Variants in TMOD1 observed in about 807,000 individuals in gnomAD.
TMOD1 encodes tropomodulin 1, also known as tropomodulin-1.
TMOD1 carries 17 observed loss-of-function variants against 40.6 expected under a neutral mutation model. The observed-to-expected ratio is 0.42, with a 90% CI of 0.29 to 0.63. The LOEUF is 0.63. Among genes scored for constraint, TMOD1 ranks in the 20% least tolerant of loss-of-function variants. The pLI is 0.22. For synonymous variants in TMOD1, 181 were observed against 175.0 expected (o/e 1.03, Z -0.27); for missense variants, 391 against 447.6 (o/e 0.87, Z 1.14).
At position 97,601,371 on chromosome 9, in the gene TMOD1, G is replaced by A. The variant is rs1425538454; in HGVS notation, c.*1673G>A. On this transcript the variant is annotated 3_prime_UTR_variant, in exon 10 of 10. Coordinates refer to ENST00000259365, the MANE Select transcript of TMOD1 (RefSeq NM_003275.4). ...GATGACCTCAGTAAGAATGTGTCAT[G>A]TATTCCAGGTGCTGATCTAAAAACT... is the stretch of plus-strand genomic sequence containing the variant. 5 of 1,087,168 alleles carry A rather than the reference G, an allele frequency of 4.6e-6. No homozygotes were observed. The Admixed American group carries it at 2.6e-4, about 56-fold the overall frequency. 67.3% of individuals were successfully genotyped at this position (1,087,168 alleles called of 1,614,324 possible). A position where few individuals can be genotyped will look rare whatever the true frequency, so the allele number is the denominator to read the frequency against.
chr9:97,561,006 G>C (rs981487768), intron 4 of TMOD1, among the ~76,000 whole-genome samples: 3 of 152,210 alleles, frequency 2.0e-5, no homozygotes, highest in Non-Finnish European at 2.9e-5. Context: ...CTGTTGGGAG[G>C]GGGAGTGCAA....
chr9:97,553,911 G>C (rs1169870589), intron 4 of TMOD1, among the ~76,000 whole-genome samples: 1 of 152,116 alleles, frequency 6.6e-6, no homozygotes, highest in African/African-American at 2.4e-5. Flanking sequence ...GTTTCCATAT[G>C]ATCTTCAAAA....
chr9:97,545,440 T>A (rs932551563), intron 2 of TMOD1, among the ~76,000 whole-genome samples: 1 of 152,234 alleles, frequency 6.6e-6, no homozygotes, highest in African/African-American at 2.4e-5. Context: ...GAAGCCTGCT[T>A]ATGTTTGAAG....
intron 4 of TMOD1, among the ~76,000 whole-genome samples, chr9:97,560,090 T>C (rs1830614340): frequency 6.6e-6 from 1 of 151,892 alleles, no homozygotes; most frequent in Non-Finnish European, 1.5e-5. Context: ...AGGGCTCCCA[T>C]ATTGTCTCTC....
At chr9:97,590,937 C>T (rs545422297) in intron 8 of TMOD1, among the ~76,000 whole-genome samples, 1 of 152,236 alleles carries the variant, frequency 6.6e-6, no homozygotes, top group East Asian at 1.9e-4. Flanking sequence ...GGGGTATAGC[C>T]CGGACAGCAG....
intron 3 of TMOD1, among the ~76,000 whole-genome samples, chr9:97,547,810 C>T (rs1011369258): frequency 3.7e-4 from 57 of 152,162 alleles, no homozygotes; most frequent in Non-Finnish European, 8.8e-5. Flanking sequence ...ATCTGTCTCT[C>T]TCACTAGCCT....
intron 2 of TMOD1, among the ~76,000 whole-genome samples, chr9:97,543,428 A>T (rs935013721): frequency 2.0e-5 from 3 of 152,258 alleles, no homozygotes; most frequent in Non-Finnish European, 4.4e-5. Flanking sequence ...AGAAGGGATC[A>T]TAAGTAATAA....
At chr9:97,541,672 C>T (rs915512236) in intron 2 of TMOD1, among the ~76,000 whole-genome samples, 3 of 150,326 alleles carry the variant, frequency 2.0e-5, no homozygotes, top group South Asian at 2.1e-4. Flanking sequence ...TGCACCACCA[C>T]GCCCGGCTAA....
At chr9:97,592,906 G>A (rs569915514) in intron 9 of TMOD1, among the ~76,000 whole-genome samples, 2 of 152,256 alleles carry the variant, frequency 1.3e-5, no homozygotes, top group South Asian at 4.1e-4. Flanking sequence ...TTTAAAATGT[G>A]TGCAGAGTCT....
intron 1 of TMOD1, among the ~76,000 whole-genome samples, chr9:97,519,544 C>G (rs1001185347): frequency 2.6e-5 from 4 of 152,234 alleles, no homozygotes; most frequent in African/African-American, 7.2e-5. Context: ...TTCATCACCC[C>G]CTTCCTGCCC....
intron 2 of TMOD1, among the ~76,000 whole-genome samples, chr9:97,544,163 C>A (rs979240745): frequency 6.6e-5 from 10 of 152,152 alleles, no homozygotes; most frequent in Non-Finnish European, 1.2e-4. Context: ...CAGGATCACA[C>A]CCCGGTCTCC....
chr9:97,527,168 C>T (rs1311887369), intron 2 of TMOD1, among the ~76,000 whole-genome samples: 2 of 152,210 alleles, frequency 1.3e-5, no homozygotes, highest in Non-Finnish European at 2.9e-5. Context: ...AGAAAAAAAT[C>T]AAGCTGCAAA....
At chr9:97,548,370 G>C (rs981182158) in intron 3 of TMOD1, among the ~76,000 whole-genome samples, 1 of 152,160 alleles carries the variant, frequency 6.6e-6, no homozygotes, top group African/African-American at 2.4e-5. Context: ...CTGAAAACTG[G>C]AAGTCCAGGG....
rs188835177 is a variant in TMOD1 at position 97,557,522 on chromosome 9, C to T, written c.397+4122C>T. Among the ~76,000 whole-genome samples, 70 of 152,328 alleles carry T rather than the reference C, an allele frequency of 4.6e-4. No individual in the cohort carries two copies. Among genetic ancestry groups the T allele is most frequent in the African/African-American group, 1.6e-3 (66 of 41,578 alleles). On this transcript the variant is annotated intron_variant, in intron 4 of 9. Coordinates refer to ENST00000259365, the MANE Select transcript of TMOD1 (RefSeq NM_003275.4). The surrounding 1 kb of genome is among the most constrained non-coding windows in gnomAD (Gnocchi z 4.4). Reference sequence around the variant, plus strand: ...AGAGACAGGCTTAGCCAGGCCACCCCCTGGCTTCTGGCTACTTCCGTGTGC... The same window carrying T: ...AGAGACAGGCTTAGCCAGGCCACCCTCTGGCTTCTGGCTACTTCCGTGTGC...
chr9:97,550,436 G>T (rs79513633), intron 3 of TMOD1, among the ~76,000 whole-genome samples: 3,768 of 152,226 alleles, frequency 0.025, 164 homozygotes, highest in African/African-American at 0.086. Flanking sequence ...TTAATTTTTT[G>T]AGTAACTGCT....
Position 97,596,487 on chromosome 9 carries a change from C to T in TMOD1, c.1016-3147C>T, listed in dbSNP as rs982334835. ...TCACTAGCTCATGTAGTCCTCCCCA[C>T]AACCAGGTGAGACAGGTGCTATTGT... On this transcript the variant is annotated intron_variant, in intron 9 of 9. Coordinates refer to ENST00000259365, the MANE Select transcript of TMOD1 (RefSeq NM_003275.4). 3.9e-5 allele frequency among the ~76,000 whole-genome samples: 6 copies of T among 152,334 alleles called. No individual in the cohort carries two copies. In the East Asian group the frequency reaches 1.2e-3, roughly 29 times the overall value.
intron 8 of TMOD1, among the ~76,000 whole-genome samples, chr9:97,569,795 AAAGAT>A (rs143252221): frequency 0.069 from 10,504 of 152,242 alleles, 385 homozygotes; most frequent in Non-Finnish European, 0.083. Flanking sequence ...CAGACAGGCC[AAAGAT>A]AAGCCCCTTT....
chr9:97,517,337 A>G (rs1336036686), intron 1 of TMOD1, among the ~76,000 whole-genome samples: 4 of 150,640 alleles, frequency 2.7e-5, no homozygotes, highest in Non-Finnish European at 5.9e-5. Context: ...GTGATGGGGG[A>G]AAAAAAAAAA....
intron 2 of TMOD1, among the ~76,000 whole-genome samples, chr9:97,529,460 C>T (rs1830067163): frequency 6.6e-6 from 1 of 151,786 alleles, no homozygotes; most frequent in South Asian, 2.1e-4. Context: ...GCCCCAGTGT[C>T]ATGTGGCAGA....
Sources: allele counts gnomAD v4.1 joint callset (sites outside exome capture counted in the v4.1 genomes callset), GRCh38; gene constraint gnomAD v4.1.1; non-coding constraint Gnocchi (gnomAD v3.1); transcripts MANE v1.5; gene names NCBI Gene and HGNC (gene_info 2026-07-23, HGNC 2026-07-21).